CTNND2: variants seen among roughly 807,000 people sequenced by gnomAD.
The protein encoded by CTNND2 is catenin delta-2.
Under a neutral mutation model 144.4 loss-of-function variants are expected in CTNND2, and 22 were observed. The observed-to-expected ratio is 0.15, with a 90% CI of 0.11 to 0.22. The LOEUF is 0.22. Ranked by LOEUF, CTNND2 falls within the 10% of genes least tolerant of loss-of-function variation. The pLI is 1.00. For missense variants in CTNND2, 1,353 were observed against 1,618.8 expected (o/e 0.84, Z 2.82); for synonymous variants, 751 against 695.6 (o/e 1.08, Z -1.25).
At chr5:11,625,911 C>A (rs1781127665) in intron 2 of CTNND2, among the ~76,000 whole-genome samples, 1 of 152,016 alleles carries the variant, frequency 6.6e-6, no homozygotes, top group Non-Finnish European at 1.5e-5. Flanking sequence ...AAATTTAATG[C>A]CATCGGTGTT....
chr5:11,597,333 G>C (rs1779560913), intron 2 of CTNND2, among the ~76,000 whole-genome samples: 1 of 152,120 alleles, frequency 6.6e-6, no homozygotes, highest in African/African-American at 2.4e-5. Flanking sequence ...CACAGGCTTT[G>C]CTTACAGCTT....
chr5:11,017,532 T>C (rs963893476), intron 18 of CTNND2, among the ~76,000 whole-genome samples: 1 of 150,112 alleles, frequency 6.7e-6, no homozygotes, highest in African/African-American at 2.4e-5. Context: ...CGTGCTCTGT[T>C]TCTCTCTTTC....
chr5:11,700,206 T>G lies in CTNND2; in HGVS notation c.174+31930A>C, dbSNP rs141956687. Among the ~76,000 whole-genome samples, 434 of 152,166 alleles carry G rather than the reference T, an allele frequency of 2.9e-3. 2 individuals are homozygous for G. The highest frequency in any genetic ancestry group is 9.5e-3 in the African/African-American group (394 of 41,510). On this transcript the variant is annotated intron_variant, in intron 2 of 21. Transcript: ENST00000304623. ...AGTTAAGAGACCAGCCTGGCCAACATCGTGAAACCCCCAGCTCTACTAAAA... is the reference window on the plus strand; with the variant it reads ...AGTTAAGAGACCAGCCTGGCCAACAGCGTGAAACCCCCAGCTCTACTAAAA...
chr5:10,984,581 C>T (rs1377583898), intron 20 of CTNND2, among the ~76,000 whole-genome samples: 1 of 152,082 alleles, frequency 6.6e-6, no homozygotes, highest in Non-Finnish European at 1.5e-5. Context: ...AGTTCTTTCC[C>T]CTCACTCGTT....
intron 12 of CTNND2, among the ~76,000 whole-genome samples, chr5:11,140,007 C>T (rs1756565058): frequency 6.6e-6 from 1 of 152,198 alleles, no homozygotes; most frequent in Admixed American, 6.5e-5. Context: ...ATGTAAGAAT[C>T]CTTGAGATTA....
intron 2 of CTNND2, among the ~76,000 whole-genome samples, chr5:11,662,144 TAC>T (rs1214724693): frequency 6.9e-6 from 1 of 145,448 alleles, no homozygotes; most frequent in African/African-American, 2.6e-5. Flanking sequence ...TATGTATATA[TAC>T]ACATATATAT....
intron 12 of CTNND2, among the ~76,000 whole-genome samples, chr5:11,127,675 A>ATC (rs3032102): frequency 0.26 from 38,764 of 151,884 alleles, 7,348 homozygotes; most frequent in East Asian, 0.54. Flanking sequence ...TATAATTGTT[A>ATC]CTATGTCGTC....
chr5:11,198,681 A>C (rs1163661494), intron 11 of CTNND2, among the ~76,000 whole-genome samples: 1 of 152,214 alleles, frequency 6.6e-6, no homozygotes, highest in African/African-American at 2.4e-5. Flanking sequence ...TATCACCTAG[A>C]ATGGCAGTGA....
At chr5:11,506,689 A>T (rs528357269) in intron 3 of CTNND2, among the ~76,000 whole-genome samples, 9 of 152,350 alleles carry the variant, frequency 5.9e-5, no homozygotes, top group African/African-American at 1.9e-4. Flanking sequence ...TCATTTTTTT[A>T]AAAGATAAAC....
At chr5:11,876,390 T>C (rs1735573666) in intron 1 of CTNND2, among the ~76,000 whole-genome samples, 1 of 152,072 alleles carries the variant, frequency 6.6e-6, no homozygotes, top group Admixed American at 6.5e-5. Flanking sequence ...TATATAATCT[T>C]TCAACTTGGG....
At chr5:11,060,612 C>A (rs184961062) in intron 16 of CTNND2, among the ~76,000 whole-genome samples, 7 of 152,136 alleles carry the variant, frequency 4.6e-5, no homozygotes, top group Non-Finnish European at 8.8e-5. Context: ...GGTGGATAAA[C>A]AGCCAAGATG....
At chr5:11,222,590 G>C (rs911235702) in intron 10 of CTNND2, among the ~76,000 whole-genome samples, 8 of 152,162 alleles carry the variant, frequency 5.3e-5, no homozygotes, top group Non-Finnish European at 1.2e-4. Context: ...AGGATCACTT[G>C]AGTCTGGGAG....
At chr5:11,565,566 C>T (rs759473113) in intron 2 of CTNND2, among the ~76,000 whole-genome samples, 1 of 151,144 alleles carries the variant, frequency 6.6e-6, no homozygotes, top group Non-Finnish European at 1.5e-5. Flanking sequence ...GCTTTATAAC[C>T]CACACTCTTC....
intron 3 of CTNND2, among the ~76,000 whole-genome samples, chr5:11,487,404 C>T (rs1472080123): frequency 2.0e-5 from 3 of 152,044 alleles, no homozygotes; most frequent in African/African-American, 7.2e-5. Flanking sequence ...AAAATCTGAC[C>T]ATATGGTCAT....
At chr5:11,893,572 A>G (rs1206851046) in intron 1 of CTNND2, among the ~76,000 whole-genome samples, 1 of 152,214 alleles carries the variant, frequency 6.6e-6, no homozygotes, top group Non-Finnish European at 1.5e-5. Flanking sequence ...TGCATTTACC[A>G]GGTATTACCA....
At chr5:11,776,880 T>C (rs1790284080) in intron 1 of CTNND2, among the ~76,000 whole-genome samples, 1 of 152,190 alleles carries the variant, frequency 6.6e-6, no homozygotes, top group Non-Finnish European at 1.5e-5. Flanking sequence ...AATTTTATAA[T>C]CTCTTGAAAA....
intron 1 of CTNND2, among the ~76,000 whole-genome samples, chr5:11,819,509 A>C (rs570009301): frequency 6.6e-6 from 1 of 152,134 alleles, no homozygotes; most frequent in South Asian, 2.1e-4. Flanking sequence ...ACCTTAAGTA[A>C]TTTTCTTTCC....
At chr5:11,197,698 A>G (rs1484507255) in intron 11 of CTNND2, among the ~76,000 whole-genome samples, 1 of 152,230 alleles carries the variant, frequency 6.6e-6, no homozygotes, top group Admixed American at 6.5e-5. Flanking sequence ...GACTGCGGTC[A>G]GTTCCTTTAC....
intron 10 of CTNND2, among the ~76,000 whole-genome samples, chr5:11,223,212 C>T (rs1169024829): frequency 6.6e-6 from 1 of 152,172 alleles, no homozygotes; most frequent in Non-Finnish European, 1.5e-5. Flanking sequence ...TAAATCCCTC[C>T]ATCACTAGTC....
Sources: allele counts gnomAD v4.1 joint callset (sites outside exome capture counted in the v4.1 genomes callset), GRCh38; gene constraint gnomAD v4.1.1; transcripts MANE v1.5; gene names NCBI Gene and HGNC (gene_info 2026-07-23, HGNC 2026-07-21).